Variants in OTOF observed in about 807,000 individuals in gnomAD.
The protein encoded by OTOF is otoferlin, also known as fer-1-like family member 2.
A neutral mutation model predicts 236.8 loss-of-function variants in OTOF; 218 were observed. The observed-to-expected ratio is 0.92, with a 90% CI of 0.82 to 1.03. The LOEUF is 1.03. Among genes scored for constraint, OTOF ranks in the 50% least tolerant of loss-of-function variants. The pLI, the probability that OTOF is intolerant of heterozygous loss-of-function variation, is 0.00. For missense variants in OTOF, 2,590 were observed against 2,694.4 expected (o/e 0.96, Z 0.86); for synonymous variants, 1,041 against 1,072.5 (o/e 0.97, Z 0.57).
At chr2:26,502,565 T>C (rs1345568864) in intron 6 of OTOF, 139 bp from the exon 7 acceptor site, 15 of 851,708 alleles carry the variant, frequency 1.8e-5, no homozygotes, top group Non-Finnish European at 2.9e-5. Context: ...TATTATGGCC[T>C]GAATAACTGC....
rs1237088132 is a variant in OTOF, at chr2:26,461,603, C to T, written c.5533+93G>A. ...GACTGGAAGCAATGACCCCTTGTCCCCCCAAGGCAGGGCTCTCCCTGTCCC... is the reference window on the plus strand; with the variant it reads ...GACTGGAAGCAATGACCCCTTGTCCTCCCAAGGCAGGGCTCTCCCTGTCCC... On this transcript the variant is annotated intron_variant, in intron 43 of 46. Coordinates refer to ENST00000272371, the MANE Select transcript of OTOF (RefSeq NM_194248.3). This position sits in a 1 kb window ranked among gnomAD's most constrained non-coding sequence, Gnocchi z 6.2. 6.4e-6 allele frequency: 10 copies of T among 1,557,720 alleles called. No homozygotes were observed. The highest frequency in any genetic ancestry group is 3.5e-4 in the Middle Eastern group (2 of 5,762).
At chr2:26,474,757 G>A in intron 25 of OTOF, 83 bp from the exon 26 acceptor site, 1 of 1,505,888 alleles carries the variant, frequency 6.6e-7, no homozygotes, top group Non-Finnish European at 9.2e-7. Flanking sequence ...ACAGCGCCAT[G>A]AGTTGTTGTA....
At chr2:26,480,017 A>T (rs1665487493) in intron 16 of OTOF, among the ~76,000 whole-genome samples, 186 bp downstream of exon 16, 3 of 152,252 alleles carry the variant, frequency 2.0e-5, no homozygotes, top group Non-Finnish European at 4.4e-5. Flanking sequence ...GGTCCACCCC[A>T]TGCACACACA....
intron 1 of OTOF, among the ~76,000 whole-genome samples, chr2:26,544,565 C>G (rs768594559): frequency 6.6e-6 from 1 of 152,196 alleles, no homozygotes; most frequent in Non-Finnish European, 1.5e-5. Flanking sequence ...TATACCACAA[C>G]TTCTTGGTCC....
At chr2:26,525,478 T>C (rs1666778384) in intron 3 of OTOF, among the ~76,000 whole-genome samples, 1 of 152,232 alleles carries the variant, frequency 6.6e-6, no homozygotes, top group South Asian at 2.1e-4. Context: ...CTGTTCCTCA[T>C]CCTGCCTCTA....
At chr2:26,511,783 C>A (rs1351407357) in intron 5 of OTOF, among the ~76,000 whole-genome samples, 1 of 152,242 alleles carries the variant, frequency 6.6e-6, no homozygotes, top group African/African-American at 2.4e-5. Context: ...CCCGGCTCAT[C>A]TGAGCAGCTT....
chr2:26,465,930 G>A lies in OTOF; in HGVS notation c.4628+19C>T. 1 of 1,614,230 alleles carries A rather than the reference G, an allele frequency of 6.2e-7. No homozygotes were observed. Among genetic ancestry groups the A allele is most frequent in the Non-Finnish European group, 8.5e-7 (1 of 1,180,034 alleles). ...GGAGAAGTAGGGGTGTGGCAGGGGA[G>A]GGCACCAAGAAGCCTTACTTCCCAA... is the stretch of plus-strand genomic sequence containing the variant. On this transcript the variant is annotated intron_variant, in intron 37 of 46. Coordinates refer to ENST00000272371, the MANE Select transcript of OTOF (RefSeq NM_194248.3).
chr2:26,526,554 C>G (rs1666810354), intron 3 of OTOF, among the ~76,000 whole-genome samples: 2 of 152,124 alleles, frequency 1.3e-5, no homozygotes, highest in African/African-American at 4.8e-5. Flanking sequence ...CTATGATTTT[C>G]CCTTTCAGGC....
chr2:26,459,769 A>T (rs1246681352), intron 46 of OTOF, among the ~76,000 whole-genome samples: 1 of 152,132 alleles, frequency 6.6e-6, no homozygotes, highest in Non-Finnish European at 1.5e-5. Context: ...CTGAGAGTCT[A>T]TTCTGTCATG....
rs542914543 is a variant in OTOF, at chr2:26,536,709, A to C, written c.138+1007T>G. Reference sequence around the variant, plus strand: ...GCCCTTCCCAGCCCCCACAGAGCCAAGCGGGAGAGCCAACCCCAGGAGAGA... The same window carrying C: ...GCCCTTCCCAGCCCCCACAGAGCCACGCGGGAGAGCCAACCCCAGGAGAGA... On this transcript the variant is annotated intron_variant, in intron 2 of 46. Coordinates refer to ENST00000272371, the MANE Select transcript of OTOF (RefSeq NM_194248.3). Among the ~76,000 whole-genome samples the C allele has an allele frequency of 3.9e-5, 6 of 152,290 alleles. No homozygotes were observed. In the South Asian group the frequency reaches 1.0e-3, roughly 26 times the overall value.
chr2:26,485,301 C>G (rs1247585198), intron 11 of OTOF, among the ~76,000 whole-genome samples: 1 of 152,244 alleles, frequency 6.6e-6, no homozygotes, highest in Non-Finnish European at 1.5e-5. Context: ...TTGCTCAAGT[C>G]TCTCCTCCTC....
chr2:26,474,275 C>T (rs1010509482), intron 26 of OTOF, among the ~76,000 whole-genome samples, 165 bp from the exon 27 acceptor site: 1 of 150,520 alleles, frequency 6.6e-6, no homozygotes, highest in Non-Finnish European at 1.5e-5. Flanking sequence ...CCCCAGCCCC[C>T]AGGCCCCAGC....
chr2:26,509,666 A>G (rs1466420131), intron 5 of OTOF, among the ~76,000 whole-genome samples: 1 of 152,114 alleles, frequency 6.6e-6, no homozygotes, highest in Non-Finnish European at 1.5e-5. Flanking sequence ...CTAATTCTTA[A>G]TATATTGAGG....
Position 26,474,014 on chromosome 2 carries a change from C to T in OTOF, c.3385G>A (p.Val1129Met), listed in dbSNP as rs138249243. ...ACCTCCACTCGGTACTTGCTGAGCA[C>T]GGGCCGGATGCCCATGGGCACGGGC... Reference protein sequence around the residue: ...IMPVPMGIRPVLSKYRVEVLF... With the variant: ...IMPVPMGIRPMLSKYRVEVLF... The change falls in exon 27 of 47, where the codon GTG becomes ATG. Residue 1129 changes from valine (V) to methionine (M), a missense_variant. Val to Met is a conservative substitution (Grantham distance 21). Coordinates refer to ENST00000272371, the MANE Select transcript of OTOF (RefSeq NM_194248.3). The T allele has an allele frequency of 1.5e-4, 243 of 1,612,998 alleles. No individual in the cohort carries two copies. In the African/African-American group the frequency reaches 2.7e-3, roughly 18 times the overall value.
chr2:26,481,087 C>T, intron 14 of OTOF, 78 bp from the exon 15 acceptor site: 1 of 1,042,240 alleles, frequency 9.6e-7, no homozygotes, highest in Admixed American at 2.0e-5. Flanking sequence ...TTTTGGGGGT[C>T]CCTGGCCTCC....
intron 36 of OTOF, 135 bp from the exon 37 acceptor site, chr2:26,466,211 G>A (rs1558471780): frequency 6.3e-6 from 7 of 1,103,154 alleles, no homozygotes; most frequent in Admixed American, 5.9e-5. Flanking sequence ...GAGGCTTGCT[G>A]TGTGACCCTA....
Position 26,476,112 on chromosome 2 carries a change from AG to A in OTOF, c.2866+15del, listed in dbSNP as rs1558483011. ...CCCCTCCCAGGTGAGGCTTCGAGTG[AG>A]GGGTCCTCACTCACTGGTGTAGACC... On this transcript the variant is annotated intron_variant, in intron 23 of 46. Transcript: ENST00000272371. 1 of 1,611,252 alleles carries A rather than the reference AG, an allele frequency of 6.2e-7. No homozygotes were observed. The highest frequency in any genetic ancestry group is 2.2e-5 in the East Asian group (1 of 44,834).
intron 39 of OTOF, among the ~76,000 whole-genome samples, 189 bp downstream of exon 39, chr2:26,464,680 G>T (rs1204885382): frequency 6.6e-6 from 1 of 152,140 alleles, no homozygotes; most frequent in African/African-American, 2.4e-5. Context: ...CTGTAGGAGG[G>T]GTGGAAGCAC....
At chr2:26,528,684 A>C (rs1209839447) in intron 2 of OTOF, among the ~76,000 whole-genome samples, 1 of 151,904 alleles carries the variant, frequency 6.6e-6, no homozygotes, top group Non-Finnish European at 1.5e-5. Context: ...CATTCTGTAA[A>C]AAGCTGCCAA....
Sources: gnomAD v4.1 joint callset for allele counts (sites outside exome capture counted in the v4.1 genomes callset) on GRCh38, gnomAD v4.1.1 for gene constraint, Gnocchi (gnomAD v3.1) non-coding constraint, MANE v1.5 for transcripts, NCBI Gene and HGNC (gene_info 2026-07-23, HGNC 2026-07-21) for gene names.